GOLGA8K: variants seen among roughly 807,000 people sequenced by gnomAD.
GOLGA8K encodes golgin subfamily A member 8K.
Under a neutral mutation model 75.2 loss-of-function variants are expected in GOLGA8K, and 12 were observed. The ratio of observed to expected loss-of-function variants is 0.16; its 90% confidence interval spans 0.10 to 0.26. The LOEUF (loss-of-function observed/expected upper bound fraction) is 0.26, where lower values mean the gene tolerates loss of function less well. Among genes scored for constraint, GOLGA8K ranks in the 10% least tolerant of loss-of-function variants. The pLI is 1.00. For synonymous variants in GOLGA8K, 48 were observed against 236.6 expected (o/e 0.20, Z 7.32); for missense variants, 109 against 640.8 (o/e 0.17, Z 8.96).
At chr15:32,395,102 GC>G (rs2054592343) in intron 13 of GOLGA8K, among the ~76,000 whole-genome samples, 2 of 144,252 alleles carry the variant, frequency 1.4e-5, no homozygotes, top group South Asian at 4.5e-4. Flanking sequence ...CAGATTCTGG[GC>G]CCATTAATAG....
chr15:32,395,034 C>T (rs1444066803), intron 13 of GOLGA8K, among the ~76,000 whole-genome samples: 3 of 149,276 alleles, frequency 2.0e-5, no homozygotes, highest in Non-Finnish European at 4.5e-5. Flanking sequence ...AGCCTCTTGG[C>T]TCTTCAGCTC....
chr15:32,394,355 G>A, intron 14 of GOLGA8K, 122 bp from the exon 15 acceptor site: 6 of 658,236 alleles, frequency 9.1e-6, no homozygotes, highest in Non-Finnish European at 1.5e-5. Flanking sequence ...GGAATGAGCT[G>A]TTGTTCTTTA....
intron 13 of GOLGA8K, among the ~76,000 whole-genome samples, chr15:32,395,758 T>C (rs989698370): frequency 4.1e-5 from 6 of 147,932 alleles, no homozygotes; most frequent in Admixed American, 3.4e-4. Context: ...GCTAGGATGA[T>C]GATGTCCAGA....
In GOLGA8K at chr15:32,397,254, T is replaced by A. The variant is rs575190884; in HGVS notation, c.735A>T (p.Leu245=). 4.4e-4 allele frequency: 695 copies of A among 1,566,734 alleles called. 49 individuals are homozygous for A. In the African/African-American group the frequency reaches 9.1e-3, roughly 21 times the overall value. The change falls in exon 10 of 19, where the codon CTA becomes CTT. Residue 245 remains leucine (L), a synonymous_variant. Transcript: ENST00000512626. ...QLERDEYSEH[L]KGERARWQQR... is the part of the protein sequence containing the mutation. ...GCTGCCACCGGGCCCTCTCTCCTTT[T>A]AGATGTTCAGAATACTCATCTCTTT...
chr15:32,394,182 G>A lies in GOLGA8K; in HGVS notation c.1328C>T (p.Pro443Leu), dbSNP rs779617665. Residue 443 changes from proline to leucine, a missense_variant, in exon 15 of 19, where the codon CCG becomes CTG. By Grantham distance (98) the Pro-to-Leu change is moderately conservative. Coordinates refer to ENST00000512626, the MANE Select transcript of GOLGA8K (RefSeq NM_001282493.2). ...SEGEEAPQPM[P>L]SVPEDLESRE... is the part of the protein sequence containing the mutation. ...GCTCTCCAGGTCCTCTGGGACACTCGGCATGGGCTGAGGTGCCTCCTCCCC... is the reference window on the plus strand; with the variant it reads ...GCTCTCCAGGTCCTCTGGGACACTCAGCATGGGCTGAGGTGCCTCCTCCCC... 18 of 1,376,738 alleles carry A rather than the reference G, an allele frequency of 1.3e-5. 1 individual carries two copies. Among genetic ancestry groups the A allele is most frequent in the Admixed American group, 7.6e-5 (3 of 39,322 alleles). 85.3% of individuals were successfully genotyped at this position (1,376,738 alleles called of 1,614,324 possible). A position where few individuals can be genotyped will look rare whatever the true frequency, so the allele number is the denominator to read the frequency against.
At chr15:32,397,656 A>G (rs1466883311) in intron 8 of GOLGA8K, among the ~76,000 whole-genome samples, 153 bp from the exon 9 acceptor site, 14 of 151,944 alleles carry the variant, frequency 9.2e-5, no homozygotes, top group African/African-American at 3.1e-4. Flanking sequence ...AAAAGAACAC[A>G]GTAAAGTTGG....
At chr15:32,396,807 T>A in intron 11 of GOLGA8K, 113 bp downstream of exon 11, 1 of 455,946 alleles carries the variant, frequency 2.2e-6, no homozygotes, top group South Asian at 2.2e-5. Context: ...CACAGATCTC[T>A]TTCCCTCTGC....
At chr15:32,397,724 G>C (rs2054645311) in intron 8 of GOLGA8K, among the ~76,000 whole-genome samples, 1 of 152,082 alleles carries the variant, frequency 6.6e-6, no homozygotes, top group Non-Finnish European at 1.5e-5. Flanking sequence ...AGAGAGATCA[G>C]ATAATATTGC....
chr15:32,395,887 G>A lies in GOLGA8K; in HGVS notation c.1200+76C>T. 11 of 1,557,820 alleles carry A rather than the reference G, an allele frequency of 7.1e-6. 1 individual carries two copies. Among genetic ancestry groups the A allele is most frequent in the Non-Finnish European group, 5.2e-6 (6 of 1,155,900 alleles). On this transcript the variant is annotated intron_variant, in intron 13 of 18. Coordinates refer to ENST00000512626, the MANE Select transcript of GOLGA8K (RefSeq NM_001282493.2). ...CAGGCTGGAAGCTGCCTCTGACCTG[G>A]CACCTCCCCTCCCAAGAGGCTGCTG... is the stretch of plus-strand genomic sequence containing the variant.
At chr15:32,395,638 G>C (rs2054601711) in intron 13 of GOLGA8K, among the ~76,000 whole-genome samples, 1 of 144,376 alleles carries the variant, frequency 6.9e-6, no homozygotes, top group Non-Finnish European at 1.5e-5. Flanking sequence ...TGATTCTCCT[G>C]CCTCAGCCTC....
In GOLGA8K at chr15:32,395,858, C is replaced by G. The variant is rs1361079190; in HGVS notation, c.1200+105G>C. The G allele has an allele frequency of 2.6e-6, 4 of 1,531,406 alleles. 1 individual carries two copies. The highest frequency in any genetic ancestry group is 1.4e-5 in the African/African-American group (1 of 72,736). The allele number at this position is 1,531,406 out of a possible 1,614,324, so 94.9% of individuals were successfully genotyped here. On this transcript the variant is annotated intron_variant, in intron 13 of 18. Transcript: ENST00000512626. ...CCCTGGGGGGTGCTGTGGTCACCAGCCCCCAGGCTGGAAGCTGCCTCTGAC... is the reference window on the plus strand; with the variant it reads ...CCCTGGGGGGTGCTGTGGTCACCAGGCCCCAGGCTGGAAGCTGCCTCTGAC...
rs1393936949 is a variant in GOLGA8K at position 32,397,224 on chromosome 15, C to G, written c.765G>C (p.Arg255Ser). The G allele has an allele frequency of 4.8e-6, 7 of 1,467,174 alleles. No homozygotes were observed. In the Admixed American group the frequency reaches 7.2e-5, roughly 15 times the overall value. The allele number at this position is 1,467,174 out of a possible 1,614,324, so 90.9% of individuals were successfully genotyped here. Residue 255 changes from arginine to serine, a missense_variant, in exon 10 of 19, where the codon AGG becomes AGC. Transcript: ENST00000512626. ...LKGERARWQQ[R>S]MRKMSQEICT... ...TCACCTCCTGCGACATTTTTCTCATCCTCTGCTGCCACCGGGCCCTCTCTC... is the reference window on the plus strand; with the variant it reads ...TCACCTCCTGCGACATTTTTCTCATGCTCTGCTGCCACCGGGCCCTCTCTC...
At position 32,397,578 on chromosome 15, in the gene GOLGA8K, G is replaced by C. The variant is rs535544689; in HGVS notation, c.592-75C>G. Reference sequence around the variant, plus strand: ...CACACAGTGCCCCTTAACAGGGCTAGGGCTAGGCCCAATATACAACTCGGT... The same window carrying C: ...CACACAGTGCCCCTTAACAGGGCTACGGCTAGGCCCAATATACAACTCGGT... On this transcript the variant is annotated intron_variant, in intron 8 of 18. Transcript: ENST00000512626. The C allele has an allele frequency of 1.8e-4, 263 of 1,476,168 alleles. 2 individuals are homozygous for C. In the African/African-American group the frequency reaches 3.3e-3, roughly 18 times the overall value. 91.4% of individuals were successfully genotyped at this position (1,476,168 alleles called of 1,614,324 possible). A position where few individuals can be genotyped will look rare whatever the true frequency, so the allele number is the denominator to read the frequency against.
Position 32,392,526 on chromosome 15 carries a change from G to C in GOLGA8K, c.*256C>G, listed in dbSNP as rs1207357874. 4.0e-4 allele frequency among the ~76,000 whole-genome samples: 22 copies of C among 54,724 alleles called. No homozygotes were observed. Among genetic ancestry groups the C allele is most frequent in the African/African-American group, 9.6e-4 (20 of 20,736 alleles). 35.9% of individuals were successfully genotyped at this position (54,724 alleles called of 152,430 possible). On this transcript the variant is annotated 3_prime_UTR_variant, in exon 19 of 19. Coordinates refer to ENST00000512626, the MANE Select transcript of GOLGA8K (RefSeq NM_001282493.2). ...CACCACGTAAGGGCAAACTCGATAT[G>C]CACGCTAATGACCTACAATTATGAA... is the stretch of plus-strand genomic sequence containing the variant.
chr15:32,397,924 G>C (rs1162601224), intron 8 of GOLGA8K, among the ~76,000 whole-genome samples: 4 of 151,668 alleles, frequency 2.6e-5, no homozygotes, highest in African/African-American at 9.7e-5. Flanking sequence ...CTTAGGCAGA[G>C]CTGGGATATA....
intron 14 of GOLGA8K, 98 bp from the exon 15 acceptor site, chr15:32,394,331 C>T: frequency 4.9e-6 from 3 of 615,830 alleles, no homozygotes; most frequent in Admixed American, 3.3e-5. Context: ...CCTGAGCCAG[C>T]CCCTCCCCAG....
chr15:32,393,414 G>C (rs772594342), intron 16 of GOLGA8K, 24 bp from the exon 17 acceptor site: 3 of 1,075,852 alleles, frequency 2.8e-6, no homozygotes, highest in Non-Finnish European at 3.7e-6. Context: ...GGGCTCAGAC[G>C]CTGGGGCCCC....
At chr15:32,401,649 G>GAA (rs372835527) in intron 1 of GOLGA8K, among the ~76,000 whole-genome samples, 174 bp from the exon 2 acceptor site, 4 of 73,178 alleles carry the variant, frequency 5.5e-5, no homozygotes, top group Admixed American at 1.5e-4. Context: ...ATCATGGCTA[G>GAA]AAAAAAAAAA....
rs1421269461 is a variant in GOLGA8K at position 32,401,687 on chromosome 15, A to G, written c.49-212T>C. 1.7e-4 allele frequency among the ~76,000 whole-genome samples: 14 copies of G among 82,856 alleles called. 2 individuals are homozygous for G. The highest frequency in any genetic ancestry group is 4.3e-4 in the African/African-American group (9 of 20,816). 54.4% of individuals were successfully genotyped at this position (82,856 alleles called of 152,430 possible). ...GAAAAAGGCAATACTGGAACTTTGAAACTCAGTCTTCTGACTCCAAGCTCT... is the reference window on the plus strand; with the variant it reads ...GAAAAAGGCAATACTGGAACTTTGAGACTCAGTCTTCTGACTCCAAGCTCT... On this transcript the variant is annotated intron_variant, in intron 1 of 18. Coordinates refer to ENST00000512626, the MANE Select transcript of GOLGA8K (RefSeq NM_001282493.2).
Sources: allele counts gnomAD v4.1 joint callset (sites outside exome capture counted in the v4.1 genomes callset), GRCh38; gene constraint gnomAD v4.1.1; transcripts MANE v1.5; gene names NCBI Gene and HGNC (gene_info 2026-07-23, HGNC 2026-07-21).